ZBTB7C: variants seen among roughly 807,000 people sequenced by gnomAD.
ZBTB7C encodes the protein zinc finger and BTB domain containing 7C, also known as zinc finger and BTB domain-containing protein 7C.
In ZBTB7C, 8 loss-of-function variants were observed where a neutral mutation model predicts 25.7. That is an observed-to-expected ratio of 0.31 (90% CI 0.18 to 0.56). The LOEUF (loss-of-function observed/expected upper bound fraction) is 0.56. Among genes scored for constraint, ZBTB7C ranks in the 20% least tolerant of loss-of-function variants. The probability of loss-of-function intolerance (pLI) is 0.91; values close to 1 mark genes in which losing one functional copy is unlikely to be tolerated. For missense variants in ZBTB7C, 824 were observed against 855.2 expected, an observed-to-expected ratio of 0.96 and a Z score of 0.46; for synonymous variants, 394 against 369.0, an observed-to-expected ratio of 1.07 and a Z score of -0.78.
chr18:48,394,825 T>G (rs1164577154), intron 1 of ZBTB7C, among the ~76,000 whole-genome samples: 2 of 152,226 alleles, frequency 1.3e-5, no homozygotes, highest in Admixed American at 6.5e-5. Flanking sequence ...AATATGCAAA[T>G]GCACGGGGCT....
chr18:48,391,976 T>C (rs1450379168), intron 1 of ZBTB7C, among the ~76,000 whole-genome samples: 1 of 152,252 alleles, frequency 6.6e-6, no homozygotes, highest in Non-Finnish European at 1.5e-5. Flanking sequence ...TCGTTCACTG[T>C]GAGGACTTTG....
At chr18:48,030,905 G>A (rs920461323) in intron 4 of ZBTB7C, among the ~76,000 whole-genome samples, 8 of 152,252 alleles carry the variant, frequency 5.3e-5, no homozygotes, top group African/African-American at 1.9e-4. Context: ...AGCTTAAGGT[G>A]GCTGAGGTAT....
intron 2 of ZBTB7C, among the ~76,000 whole-genome samples, chr18:48,301,507 C>G (rs1485871871): frequency 6.6e-5 from 10 of 152,086 alleles, no homozygotes; most frequent in Non-Finnish European, 1.5e-4. Flanking sequence ...TGGTAAGTAC[C>G]TCAGCAGGGG....
chr18:48,164,269 C>A (rs917489129), intron 3 of ZBTB7C, among the ~76,000 whole-genome samples: 3 of 152,200 alleles, frequency 2.0e-5, no homozygotes, highest in African/African-American at 7.2e-5. Context: ...CAGGCATGTT[C>A]CCGGTCCCAG....
chr18:48,284,181 C>T (rs1047900365), intron 2 of ZBTB7C, among the ~76,000 whole-genome samples: 10 of 152,142 alleles, frequency 6.6e-5, no homozygotes, highest in African/African-American at 2.4e-4. Context: ...GGGGACTGGG[C>T]ACAGTGGCTC....
chr18:48,385,736 C>G (rs565214721), intron 1 of ZBTB7C, among the ~76,000 whole-genome samples: 37 of 152,200 alleles, frequency 2.4e-4, no homozygotes, highest in Non-Finnish European at 4.4e-4. Context: ...ACACAGGAAA[C>G]CCTCGATATT....
chr18:48,340,664 G>A (rs369035705), intron 1 of ZBTB7C, among the ~76,000 whole-genome samples: 2 of 152,212 alleles, frequency 1.3e-5, no homozygotes, highest in Non-Finnish European at 2.9e-5. Context: ...TGGGGAGGGT[G>A]AGGATAGGAG....
chr18:48,125,239 G>A (rs2039762743), intron 3 of ZBTB7C, among the ~76,000 whole-genome samples: 1 of 152,220 alleles, frequency 6.6e-6, no homozygotes, highest in Admixed American at 6.5e-5. Flanking sequence ...ATTAGAAAGT[G>A]GGTGAACTGA....
intron 1 of ZBTB7C, among the ~76,000 whole-genome samples, chr18:48,383,327 G>A (rs982861250): frequency 5.3e-5 from 8 of 152,054 alleles, no homozygotes; most frequent in Non-Finnish European, 1.0e-4. Context: ...GTGCAGTGGC[G>A]CGAACTCGGC....
chr18:48,088,440 A>T (rs996537208), intron 3 of ZBTB7C: 24 of 152,356 alleles, frequency 1.6e-4, no homozygotes, highest in African/African-American at 5.5e-4. Flanking sequence ...GAAACAAAAA[A>T]ACACAACTGT....
chr18:48,143,950 G>C (rs1381619748), intron 3 of ZBTB7C, among the ~76,000 whole-genome samples: 1 of 152,180 alleles, frequency 6.6e-6, no homozygotes, highest in African/African-American at 2.4e-5. Flanking sequence ...AATATAACAA[G>C]GACAAGCGGG....
At chr18:48,116,667 C>T (rs1303099951) in intron 3 of ZBTB7C, among the ~76,000 whole-genome samples, 3 of 152,114 alleles carry the variant, frequency 2.0e-5, no homozygotes, top group African/African-American at 7.2e-5. Flanking sequence ...GGGGCCTCCT[C>T]AGCTCTGCTG....
At chr18:48,252,732 C>G (rs766400920) in intron 2 of ZBTB7C, 1 of 152,326 alleles carries the variant, frequency 6.6e-6, no homozygotes. Context: ...GGCGTGACCT[C>G]ACACTGATGC....
intron 1 of ZBTB7C, among the ~76,000 whole-genome samples, chr18:48,350,316 C>T (rs1231591004): frequency 1.3e-5 from 2 of 152,188 alleles, no homozygotes; most frequent in Non-Finnish European, 2.9e-5. Context: ...CATTCCTTGG[C>T]TGGTGCACCT....
At chr18:48,300,719 T>C (rs1465948666) in intron 2 of ZBTB7C, among the ~76,000 whole-genome samples, 1 of 152,176 alleles carries the variant, frequency 6.6e-6, no homozygotes, top group Non-Finnish European at 1.5e-5. Context: ...CCTCCACAAG[T>C]AGGCAGTGGC....
chr18:48,098,982 T>C (rs1248723581), intron 3 of ZBTB7C, among the ~76,000 whole-genome samples: 1 of 152,216 alleles, frequency 6.6e-6, no homozygotes, highest in Non-Finnish European at 1.5e-5. Flanking sequence ...GCGGAGGCAG[T>C]GGCACCTGAG....
chr18:48,202,185 G>A (rs923759560), intron 2 of ZBTB7C, among the ~76,000 whole-genome samples: 1 of 152,196 alleles, frequency 6.6e-6, no homozygotes, highest in Non-Finnish European at 1.5e-5. Flanking sequence ...GCAGGGGCTG[G>A]GAGGAGGCAG....
At position 48,124,609 on chromosome 18, in the gene ZBTB7C, C is replaced by T. The variant is rs549850449; in HGVS notation, c.-17+61325G>A. Among the ~76,000 whole-genome samples, 148 of 152,230 alleles carry T rather than the reference C, an allele frequency of 9.7e-4. 1 individual carries two copies. The highest frequency in any genetic ancestry group is 3.5e-3 in the African/African-American group (145 of 41,524). ...AGGGGTTTGGAGATGGTGGGCTGAACAGTTCCAGCACCATGGGATTAAGGC... is the reference window on the plus strand; with the variant it reads ...AGGGGTTTGGAGATGGTGGGCTGAATAGTTCCAGCACCATGGGATTAAGGC... On this transcript the variant is annotated intron_variant, in intron 3 of 4. Transcript: ENST00000590800.
intron 2 of ZBTB7C, among the ~76,000 whole-genome samples, chr18:48,326,821 C>CA (rs2046231630): frequency 6.6e-6 from 1 of 152,152 alleles, no homozygotes; most frequent in Admixed American, 6.5e-5. Flanking sequence ...TAGAAAAAGA[C>CA]AGAGGTGAGA....
Sources: gnomAD v4.1 joint callset for allele counts (sites outside exome capture counted in the v4.1 genomes callset) on GRCh38, gnomAD v4.1.1 for gene constraint, MANE v1.5 for transcripts, NCBI Gene and HGNC (gene_info 2026-07-23, HGNC 2026-07-21) for gene names.